The following PSMD9 variants were observed in gnomAD, a reference collection of about 807,000 sequenced individuals.
PSMD9 encodes the protein 26S proteasome non-ATPase regulatory subunit 9.
In PSMD9, 26 loss-of-function variants were observed where a neutral mutation model predicts 25.9. That is an observed-to-expected ratio of 1.00 (90% confidence interval 0.73 to 1.39). PSMD9 has a LOEUF of 1.39. PSMD9 is among the 40% of genes most tolerant of loss of function. The pLI is 0.00. For synonymous variants in PSMD9, 110 were observed against 114.5 expected (o/e 0.96, Z 0.25); for missense variants, 303 against 299.3 (o/e 1.01, Z -0.09).
chr12:121,908,960 G>C (rs1276554929), intron 4 of PSMD9, among the ~76,000 whole-genome samples: 1 of 152,086 alleles, frequency 6.6e-6, no homozygotes, highest in African/African-American at 2.4e-5. Context: ...CCTTAGTAAA[G>C]ATTGTGCTGT....
At position 121,916,572 on chromosome 12, in the gene PSMD9, G is replaced by A. The variant is rs1353060480; in HGVS notation, c.*261G>A. The A allele has an allele frequency of 3.7e-5, 20 of 542,840 alleles. No individual in the cohort carries two copies. The Admixed American group carries it at 6.1e-4, about 16-fold the overall frequency. The allele number at this position is 542,840 out of a possible 1,614,324, so 33.6% of individuals were successfully genotyped here. A position where few individuals can be genotyped will look rare whatever the true frequency, so the allele number is the denominator to read the frequency against. ...TCCCTGGATTGTGGGCAAGTGGGCG[G>A]AAGTTATTCTGGCAGGTACTGGTGT... is the stretch of plus-strand genomic sequence containing the variant. On this transcript the variant is annotated 3_prime_UTR_variant, in exon 6 of 6. Coordinates refer to ENST00000541212, the MANE Select transcript of PSMD9 (RefSeq NM_002813.7).
Position 121,915,937 on chromosome 12 carries a change from C to T in PSMD9, c.637C>T (p.Leu213=). The change falls in exon 5 of 6, where the codon CTG becomes TTG. Residue 213 remains leucine, a synonymous_variant. Transcript: ENST00000541212. The stretch of plus-strand genomic sequence containing the variant: ...TCCAACACGCTGGGCAGGAAAAGGA[C>T]TGCTGGGGTAAAGTATCTGTTTCTG... ...LVPTRWAGKG[L]LGCNIIPLQR 1 of 1,613,488 alleles carries T rather than the reference C, an allele frequency of 6.2e-7. No homozygotes were observed. The highest frequency in any genetic ancestry group is 2.2e-5 in the East Asian group (1 of 44,890).
intron 1 of PSMD9, among the ~76,000 whole-genome samples, chr12:121,891,101 C>T (rs573683104): frequency 3.8e-4 from 53 of 139,614 alleles, no homozygotes; most frequent in African/African-American, 1.3e-3. Flanking sequence ...GCTGGGATTA[C>T]AGGCTTGAGC....
rs186767023 is a variant in PSMD9, at chr12:121,917,449, T to A, written c.*1138T>A. 2.6e-5 allele frequency: 4 copies of A among 152,380 alleles called. No individual in the cohort carries two copies. The highest frequency in any genetic ancestry group is 2.6e-4 in the Admixed American group (4 of 15,306). The allele number at this position is 152,380 out of a possible 1,614,324, so 9.4% of individuals were successfully genotyped here. A position where few individuals can be genotyped will look rare whatever the true frequency, so the allele number is the denominator to read the frequency against. On this transcript the variant is annotated 3_prime_UTR_variant, in exon 6 of 6. Coordinates refer to ENST00000541212, the MANE Select transcript of PSMD9 (RefSeq NM_002813.7). Reference sequence around the variant, plus strand: ...TTTTGTCTCTTTTAAGATGGTAAAATGGTTCTCAGGGATTCCTGCCAATAC... The same window carrying A: ...TTTTGTCTCTTTTAAGATGGTAAAAAGGTTCTCAGGGATTCCTGCCAATAC...
intron 1 of PSMD9, among the ~76,000 whole-genome samples, chr12:121,889,385 A>C (rs1405201150): frequency 6.6e-6 from 1 of 152,094 alleles, no homozygotes; most frequent in Non-Finnish European, 1.5e-5. Flanking sequence ...CCTTATCTTA[A>C]TTTTGTACTT....
At chr12:121,900,712 G>A (rs544292167) in intron 3 of PSMD9, among the ~76,000 whole-genome samples, 82 of 151,882 alleles carry the variant, frequency 5.4e-4, no homozygotes, top group African/African-American at 1.5e-3. Context: ...GCAGCCAGGT[G>A]CAGTGGCTCA....
At chr12:121,893,727 G>T (rs1283340619) in intron 1 of PSMD9, 1 of 152,160 alleles carries the variant, frequency 6.6e-6, no homozygotes, top group Non-Finnish European at 1.5e-5. Flanking sequence ...TTTCTTTTAT[G>T]AGGACACCAG....
intron 2 of PSMD9, among the ~76,000 whole-genome samples, chr12:121,896,810 T>G (rs1592941601): frequency 1.5e-5 from 2 of 132,938 alleles, no homozygotes; most frequent in Admixed American, 8.5e-5. Flanking sequence ...CACTCCAGCC[T>G]GGGCAACAAG....
chr12:121,908,114 C>A (rs1879613715), intron 4 of PSMD9: 1 of 152,066 alleles, frequency 6.6e-6, no homozygotes, highest in South Asian at 2.1e-4. Flanking sequence ...AGTGTTATAG[C>A]TCTAAGAATT....
chr12:121,908,897 T>C (rs1039251346), intron 4 of PSMD9, among the ~76,000 whole-genome samples: 2 of 151,854 alleles, frequency 1.3e-5, no homozygotes, highest in African/African-American at 4.8e-5. Flanking sequence ...CAGAGCAGAA[T>C]GGAGAGAAGG....
chr12:121,914,952 G>A (rs1024273357), intron 4 of PSMD9: 2 of 152,136 alleles, frequency 1.3e-5, no homozygotes, highest in Non-Finnish European at 2.9e-5. Context: ...GTCCTCTCTG[G>A]AAGTAACCAC....
intron 4 of PSMD9, among the ~76,000 whole-genome samples, chr12:121,910,678 T>C (rs975374038): frequency 2.0e-5 from 3 of 151,070 alleles, no homozygotes; most frequent in African/African-American, 7.3e-5. Context: ...GAGAATTGCC[T>C]GAACCCGGGA....
intron 4 of PSMD9, among the ~76,000 whole-genome samples, chr12:121,910,295 AGGAT>A (rs1317478609): frequency 6.6e-6 from 1 of 151,294 alleles, no homozygotes; most frequent in Non-Finnish European, 1.5e-5. Context: ...TATGTTGGCC[AGGAT>A]GGTCTCTATC....
chr12:121,891,709 C>G (rs1249317915), intron 1 of PSMD9, among the ~76,000 whole-genome samples: 4 of 150,430 alleles, frequency 2.7e-5, no homozygotes, highest in Non-Finnish European at 4.4e-5. Flanking sequence ...AGTCCGAGAC[C>G]AGCCTGGCCA....
chr12:121,915,858 G>A lies in PSMD9; in HGVS notation c.558G>A (p.Lys186=), dbSNP rs753856590. The change falls in exon 5 of 6, where the codon AAG becomes AAA. Residue 186 remains lysine (K), a splice_region_variant and synonymous_variant. Transcript: ENST00000541212. ...IGSVVQHSEG[K]PLNVTVIRRG... ...AAATGAGCTTATTTTCTTTTCAGAA[G>A]CCCCTGAATGTGACAGTGATCCGCA... 3 of 1,611,860 alleles carry A rather than the reference G, an allele frequency of 1.9e-6. No individual in the cohort carries two copies. Among genetic ancestry groups the A allele is most frequent in the Non-Finnish European group, 2.5e-6 (3 of 1,178,846 alleles).
At chr12:121,907,499 G>A (rs893879324) in intron 4 of PSMD9, among the ~76,000 whole-genome samples, 1 of 151,922 alleles carries the variant, frequency 6.6e-6, no homozygotes, top group Non-Finnish European at 1.5e-5. Flanking sequence ...CTTTTTTAGC[G>A]AACTTCCTAC....
intron 4 of PSMD9, chr12:121,914,150 G>A (rs1879822336): frequency 6.6e-6 from 1 of 152,090 alleles, no homozygotes; most frequent in African/African-American, 2.4e-5. Context: ...GCCTCCCAAA[G>A]TGCTGGGATT....
chr12:121,906,722 G>T (rs1031127832), intron 4 of PSMD9, among the ~76,000 whole-genome samples: 18 of 151,798 alleles, frequency 1.2e-4, no homozygotes, highest in African/African-American at 4.4e-4. Context: ...GCTGAGGCAG[G>T]AGAATCACTT....
rs1879737823 is a variant in PSMD9, at chr12:121,912,011, T to TTATTTATC, written c.556-3838_556-3837insCTATTTAT. Among the ~76,000 whole-genome samples, 8 of 52,332 alleles carry TTATTTATC rather than the reference T, an allele frequency of 1.5e-4. No individual in the cohort carries two copies. The South Asian group carries it at 5.0e-3, about 33-fold the overall frequency. The allele number at this position is 52,332 out of a possible 152,430, so 34.3% of individuals were successfully genotyped here. A position where few individuals can be genotyped will look rare whatever the true frequency, so the allele number is the denominator to read the frequency against. On this transcript the variant is annotated intron_variant, in intron 4 of 5. Coordinates refer to ENST00000541212, the MANE Select transcript of PSMD9 (RefSeq NM_002813.7). Reference sequence around the variant, plus strand: ...AGGTTTCTGGAATGAGCTTGCTTATTTATTTATTTATTTATTTATTTATTT... The same window carrying TTATTTATC: ...AGGTTTCTGGAATGAGCTTGCTTATTTATTTATCTATTTATTTATTTATTTATTTATTT...
Sources: gnomAD v4.1 joint callset for allele counts (sites outside exome capture counted in the v4.1 genomes callset) on GRCh38, gnomAD v4.1.1 for gene constraint, MANE v1.5 for transcripts, NCBI Gene and HGNC (gene_info 2026-07-23, HGNC 2026-07-21) for gene names.